The following SRD5A3 variants were observed in gnomAD, a reference collection of about 807,000 sequenced individuals.
SRD5A3 encodes the protein polyprenal reductase.
Under a neutral mutation model 34.3 loss-of-function variants are expected in SRD5A3, and 24 were observed. The ratio of observed to expected loss-of-function variants is 0.70; its 90% CI spans 0.51 to 0.99. SRD5A3 has a LOEUF of 0.99. SRD5A3 is among the 50% of genes least tolerant of loss of function. SRD5A3 has a pLI of 0.00. For synonymous variants in SRD5A3, 161 were observed against 167.3 expected, an observed-to-expected ratio of 0.96 and a Z score of 0.29; for missense variants, 350 against 388.2, an observed-to-expected ratio of 0.90 and a Z score of 0.83.
In SRD5A3 at chr4:55,370,431, TCACA is replaced by T. The variant is rs3034886; in HGVS notation, c.*379_*382del. ...AAAAACCGAAAATATACAAACAGCT[TCACA>T]CACACACACACACACACACACACAC... is the stretch of plus-strand genomic sequence containing the variant. On this transcript the variant is annotated 3_prime_UTR_variant, in exon 5 of 5. Transcript: ENST00000264228. 0.047 allele frequency: 10,518 copies of T among 225,106 alleles called. 146 individuals are homozygous for T. The highest frequency in any genetic ancestry group is 0.056 in the African/African-American group (2,286 of 40,554). 13.9% of individuals were successfully genotyped at this position (225,106 alleles called of 1,614,324 possible). A position where few individuals can be genotyped will look rare whatever the true frequency, so the allele number is the denominator to read the frequency against.
At position 55,350,833 on chromosome 4, in the gene SRD5A3, G is replaced by A. The variant is rs867168121; in HGVS notation, c.221+4276G>A. ...GCTGGAATGCTGTGGTGCAGTCTCC[G>A]CTCACTGCAACTTCCACCTCCTGGG... On this transcript the variant is annotated intron_variant, in intron 1 of 4. Coordinates refer to ENST00000264228, the MANE Select transcript of SRD5A3 (RefSeq NM_024592.5). Among the ~76,000 whole-genome samples the A allele has an allele frequency of 5.6e-5, 8 of 143,082 alleles. No individual in the cohort carries two copies. The Admixed American group carries it at 5.9e-4, about 11-fold the overall frequency. 93.9% of individuals were successfully genotyped at this position (143,082 alleles called of 152,430 possible).
chr4:55,359,490 T>G lies in SRD5A3; in HGVS notation c.364+2T>G. On this transcript the variant is annotated splice_donor_variant, in intron 2 of 4. Transcript: ENST00000264228. LOFTEE classifies it high-confidence loss of function. ...TTCTCGGGGCGGCACAGTTCCAGGG[T>G]AAGGACTCCCTGGGCTTATGACAAC... The G allele has an allele frequency of 1.2e-6, 2 of 1,614,000 alleles. No individual in the cohort carries two copies. The highest frequency in any genetic ancestry group is 1.7e-6 in the Non-Finnish European group (2 of 1,180,006).
Position 55,370,284 on chromosome 4 carries a change from G to T in SRD5A3, c.*193G>T, listed in dbSNP as rs577464904. The stretch of plus-strand genomic sequence containing the variant: ...AATGAATCTCCAAAGTATCTTCAAA[G>T]AATAAATACTAATGGCAGATCTGCG... On this transcript the variant is annotated 3_prime_UTR_variant, in exon 5 of 5. Coordinates refer to ENST00000264228, the MANE Select transcript of SRD5A3 (RefSeq NM_024592.5). 5.6e-6 allele frequency: 4 copies of T among 714,652 alleles called. No individual in the cohort carries two copies. Among genetic ancestry groups the T allele is most frequent in the South Asian group, 5.6e-5 (3 of 53,806 alleles). 44.3% of individuals were successfully genotyped at this position (714,652 alleles called of 1,614,324 possible). A position where few individuals can be genotyped will look rare whatever the true frequency, so the allele number is the denominator to read the frequency against.
chr4:55,362,181 G>A (rs1306258179), intron 2 of SRD5A3, among the ~76,000 whole-genome samples: 2 of 150,642 alleles, frequency 1.3e-5, no homozygotes, highest in Non-Finnish European at 3.0e-5. Context: ...AGGCTGGAGT[G>A]CAGTGGCCTG....
intron 1 of SRD5A3, among the ~76,000 whole-genome samples, chr4:55,355,188 G>A (rs1468468492): frequency 3.3e-5 from 5 of 152,232 alleles, no homozygotes; most frequent in Non-Finnish European, 2.9e-5. Context: ...GCCGGGTGCG[G>A]TGGCTCACGC....
chr4:55,366,812 G>A (rs552914452), intron 3 of SRD5A3: 1 of 152,472 alleles, frequency 6.6e-6, no homozygotes, highest in South Asian at 2.1e-4. Context: ...TGCGCAGAGG[G>A]AAGTCCCTGT....
At chr4:55,349,452 A>AT (rs374777556) in intron 1 of SRD5A3, among the ~76,000 whole-genome samples, 2 of 151,424 alleles carry the variant, frequency 1.3e-5, no homozygotes, top group African/African-American at 4.9e-5. Flanking sequence ...GTTTGGGATT[A>AT]TTTTTTTCTT....
rs781341781 is a variant in SRD5A3 at position 55,346,513 on chromosome 4, G to A, written c.177G>A (p.Glu59=). Residue 59 remains glutamate, a synonymous_variant, in exon 1 of 5, where the codon GAG becomes GAA. Transcript: ENST00000264228. ...LIRYGKTKCG[E]PSRPAACRAF... is the part of the protein sequence containing the mutation. ...GCTATGGGAAAACCAAGTGTGGGGA[G>A]CCGTCGCGCCCCGCCGCCTGCCGAG... The A allele has an allele frequency of 1.9e-6, 3 of 1,599,340 alleles. No individual in the cohort carries two copies. Among genetic ancestry groups the A allele is most frequent in the East Asian group, 4.6e-5 (2 of 43,374 alleles).
chr4:55,356,257 C>A (rs1719457588), intron 1 of SRD5A3, among the ~76,000 whole-genome samples: 1 of 152,118 alleles, frequency 6.6e-6, no homozygotes, highest in Non-Finnish European at 1.5e-5. Flanking sequence ...AATCCGCCCA[C>A]CTCAGCCTCC....
At chr4:55,352,285 C>G in intron 1 of SRD5A3, 1 of 808,856 alleles carries the variant, frequency 1.2e-6, no homozygotes, top group Admixed American at 1.7e-5. Flanking sequence ...TCCTTTAACA[C>G]GCTGGGATCC....
chr4:55,368,482 T>A (rs1170128791), intron 4 of SRD5A3, among the ~76,000 whole-genome samples: 1 of 148,786 alleles, frequency 6.7e-6, no homozygotes, highest in Non-Finnish European at 1.5e-5. Context: ...TGTAGTGCAG[T>A]GGCACAATCT....
Position 55,367,591 on chromosome 4 carries a change from A to C in SRD5A3, c.566A>C (p.Tyr189Ser), listed in dbSNP as rs35496669. 1.8e-4 allele frequency: 297 copies of C among 1,614,084 alleles called. 3 individuals carry two copies. In the African/African-American group the frequency reaches 3.1e-3, roughly 17 times the overall value. Residue 189 changes from tyrosine (Y) to serine (S), a missense_variant, in exon 4 of 5, where the codon TAC (tyrosine) becomes TCC (serine). By Grantham distance (144) the Tyr-to-Ser change is moderately radical. This residue lies in a region of SRD5A3 where 186 missense variants were observed against 221.4 expected (regional missense o/e 0.84). Transcript: ENST00000264228. ...SQVPMDGRNA[Y>S]ITGKNLLMQA... ...CTAACAATTCTCATTCCTATAGCCT[A>C]CATAACAGGGAAAAATCTATTGATG...
rs1578198536 is a variant in SRD5A3, at chr4:55,346,246, T to G, written c.-91T>G. 10 of 1,105,886 alleles carry G rather than the reference T, an allele frequency of 9.0e-6. No homozygotes were observed. The highest frequency in any genetic ancestry group is 1.2e-5 in the Non-Finnish European group (10 of 842,342). The allele number at this position is 1,105,886 out of a possible 1,614,324, so 68.5% of individuals were successfully genotyped here. A position where few individuals can be genotyped will look rare whatever the true frequency, so the allele number is the denominator to read the frequency against. On this transcript the variant is annotated 5_prime_UTR_variant, in exon 1 of 5. Coordinates refer to ENST00000264228, the MANE Select transcript of SRD5A3 (RefSeq NM_024592.5). Reference sequence around the variant, plus strand: ...CCGCGTCACCGACGTCCCGCTAGGCTGAGACCGGTGCGCCGCGCGCTAGTG... The same window carrying G: ...CCGCGTCACCGACGTCCCGCTAGGCGGAGACCGGTGCGCCGCGCGCTAGTG...
intron 1 of SRD5A3, among the ~76,000 whole-genome samples, chr4:55,353,542 C>T (rs943992568): frequency 1.3e-5 from 2 of 152,214 alleles, no homozygotes; most frequent in East Asian, 1.9e-4. Flanking sequence ...TGGGGGTCCC[C>T]TTCTACCCTG....
intron 2 of SRD5A3, among the ~76,000 whole-genome samples, chr4:55,360,687 C>T (rs1436548031): frequency 4.1e-5 from 5 of 123,148 alleles, no homozygotes; most frequent in Admixed American, 2.8e-4. Context: ...GAATATGGAA[C>T]GTTTTTTTTT....
chr4:55,350,489 A>T (rs952143504), intron 1 of SRD5A3, among the ~76,000 whole-genome samples: 1 of 152,180 alleles, frequency 6.6e-6, no homozygotes, highest in Non-Finnish European at 1.5e-5. Context: ...TTATGCTTGT[A>T]TAATTTTTTT....
chr4:55,353,299 A>C (rs188483076), intron 1 of SRD5A3, among the ~76,000 whole-genome samples: 3 of 152,318 alleles, frequency 2.0e-5, no homozygotes, highest in Admixed American at 2.0e-4. Flanking sequence ...CTCTGTGTCT[A>C]GCTAAAGGTT....
intron 1 of SRD5A3, among the ~76,000 whole-genome samples, chr4:55,355,731 T>A (rs998142935): frequency 2.0e-5 from 3 of 152,212 alleles, no homozygotes; most frequent in Admixed American, 6.5e-5. Flanking sequence ...GATTTTAACT[T>A]CACAGTCAGC....
At chr4:55,367,232 C>T (rs1041118829) in intron 3 of SRD5A3, 13 of 312,740 alleles carry the variant, frequency 4.2e-5, no homozygotes, top group Middle Eastern at 1.1e-3. Flanking sequence ...TCTTACCATT[C>T]GAAAGTAGAT....
Sources: gnomAD v4.1 joint callset for allele counts (sites outside exome capture counted in the v4.1 genomes callset) on GRCh38, gnomAD v4.1.1 for gene constraint, gnomAD v4.1.1 regional missense constraint, MANE v1.5 for transcripts, NCBI Gene and HGNC (gene_info 2026-07-23, HGNC 2026-07-21) for gene names.